The following TBC1D14 variants were observed in gnomAD, a reference collection of about 807,000 sequenced individuals.
The protein encoded by TBC1D14 is TBC1 domain family, member 14.
TBC1D14 carries 26 observed loss-of-function variants against 79.0 expected under a neutral mutation model. The observed-to-expected ratio is 0.33, with a 90% CI of 0.24 to 0.46. The LOEUF (loss-of-function observed/expected upper bound fraction) is 0.46. TBC1D14 is among the 20% of genes least tolerant of loss of function. The pLI is 1.00. For synonymous variants in TBC1D14, 394 were observed against 349.9 expected, an observed-to-expected ratio of 1.13 and a Z score of -1.40; for missense variants, 769 against 887.6, an observed-to-expected ratio of 0.87 and a Z score of 1.70.
At chr4:7,007,700 C>T in intron 9 of TBC1D14, 1 of 935,882 alleles carries the variant, frequency 1.1e-6, no homozygotes, top group Non-Finnish European at 1.5e-6. Context: ...TTCCTGGAAC[C>T]CTGCTTCTCC....
chr4:6,957,079 G>A (rs1204105690), intron 2 of TBC1D14, among the ~76,000 whole-genome samples: 3 of 152,216 alleles, frequency 2.0e-5, no homozygotes, highest in Non-Finnish European at 2.9e-5. Context: ...CTTGCTGTGT[G>A]CTCCTCTTGA....
At chr4:7,023,393 C>T (rs980954345) in intron 12 of TBC1D14, among the ~76,000 whole-genome samples, 4 of 152,238 alleles carry the variant, frequency 2.6e-5, no homozygotes, top group African/African-American at 4.8e-5. Flanking sequence ...TTGTGCAGGC[C>T]GAGTGGACTC....
chr4:6,917,650 G>C (rs1194783451), intron 1 of TBC1D14, among the ~76,000 whole-genome samples: 2 of 152,118 alleles, frequency 1.3e-5, no homozygotes, highest in Admixed American at 1.3e-4. Context: ...AGGCAGAGAC[G>C]GATCAGGAGG....
In TBC1D14 at chr4:7,006,737, G is replaced by A. The variant is rs1219551429; in HGVS notation, c.1446+11G>A. The A allele has an allele frequency of 6.2e-7, 1 of 1,607,448 alleles. No individual in the cohort carries two copies. On this transcript the variant is annotated intron_variant, in intron 9 of 13. Transcript: ENST00000409757. ...TGCATTTTCCAGCAAGTAAGTGGTG[G>A]TGACTTGTTGCTTTCAAGTATGTTT...
chr4:7,029,508 A>G (rs1323078889), intron 13 of TBC1D14, among the ~76,000 whole-genome samples: 1 of 152,218 alleles, frequency 6.6e-6, no homozygotes, highest in Non-Finnish European at 1.5e-5. Context: ...TGTTGCTGCA[A>G]TTGCTAAGCA....
chr4:6,969,846 C>T (rs373635564), intron 3 of TBC1D14, among the ~76,000 whole-genome samples: 13 of 152,094 alleles, frequency 8.5e-5, no homozygotes, highest in South Asian at 6.2e-4. Flanking sequence ...CTGCTTCCGT[C>T]GTCAATAATA....
At chr4:6,926,765 T>A (rs192323457) in intron 2 of TBC1D14, among the ~76,000 whole-genome samples, 26 of 152,310 alleles carry the variant, frequency 1.7e-4, no homozygotes, top group Admixed American at 1.6e-3. Flanking sequence ...TTACAGTGAA[T>A]GTTCATCAAT....
chr4:6,952,649 G>C (rs1437774331), intron 2 of TBC1D14, among the ~76,000 whole-genome samples: 1 of 152,182 alleles, frequency 6.6e-6, no homozygotes, highest in Non-Finnish European at 1.5e-5. Flanking sequence ...CTTCTTTGGT[G>C]CCTTGCATAC....
chr4:6,919,795 A>G (rs2108911454), intron 1 of TBC1D14, among the ~76,000 whole-genome samples: 1 of 151,750 alleles, frequency 6.6e-6, no homozygotes, highest in South Asian at 2.1e-4. Flanking sequence ...TAATTTTTGT[A>G]TTTTTAGTAG....
chr4:7,013,203 G>T (rs1320760474), intron 11 of TBC1D14, among the ~76,000 whole-genome samples: 1 of 152,204 alleles, frequency 6.6e-6, no homozygotes, highest in Admixed American at 6.5e-5. Context: ...CTCTGCTGGG[G>T]GATGTCCTGT....
intron 2 of TBC1D14, among the ~76,000 whole-genome samples, chr4:6,960,342 C>A (rs1019928270): frequency 6.6e-6 from 1 of 151,808 alleles, no homozygotes; most frequent in African/African-American, 2.4e-5. Flanking sequence ...TCCGCCCACC[C>A]CTGCCTCCCA....
chr4:7,028,196 G>A (rs547234588), intron 13 of TBC1D14, among the ~76,000 whole-genome samples: 85 of 151,976 alleles, frequency 5.6e-4, no homozygotes, highest in African/African-American at 2.0e-3. Context: ...ACGTACAGGT[G>A]CAGGTCAGTC....
At chr4:7,013,743 CTT>C (rs11318080) in intron 11 of TBC1D14, among the ~76,000 whole-genome samples, 333 of 137,004 alleles carry the variant, frequency 2.4e-3, no homozygotes, top group Non-Finnish European at 2.3e-3. Flanking sequence ...TTTCCAGATA[CTT>C]TTTTTTTTTT....
rs190715484 is a variant in TBC1D14 at position 6,988,189 on chromosome 4, C to T, written c.844-5995C>T. Among the ~76,000 whole-genome samples the T allele has an allele frequency of 2.2e-3, 329 of 152,356 alleles. 7 individuals carry two copies. The highest frequency in any genetic ancestry group is 0.019 in the Admixed American group (291 of 15,306). On this transcript the variant is annotated intron_variant, in intron 3 of 13. Coordinates refer to ENST00000409757, the MANE Select transcript of TBC1D14 (RefSeq NM_020773.3). Reference sequence around the variant, plus strand: ...CCCCCCTCCAAGACAATTGCTTTTACAAATGGCCAAGTGTGAGACCAGCCG... The same window carrying T: ...CCCCCCTCCAAGACAATTGCTTTTATAAATGGCCAAGTGTGAGACCAGCCG...
intron 12 of TBC1D14, among the ~76,000 whole-genome samples, chr4:7,020,925 C>G (rs1721765972): frequency 6.6e-6 from 1 of 152,194 alleles, no homozygotes; most frequent in Non-Finnish European, 1.5e-5. Context: ...TGTACCTCCT[C>G]TTGGGGTTGT....
chr4:6,957,144 T>C (rs1714722375), intron 2 of TBC1D14, among the ~76,000 whole-genome samples: 1 of 152,206 alleles, frequency 6.6e-6, no homozygotes, highest in South Asian at 2.1e-4. Flanking sequence ...TGGAGAAACT[T>C]GTAGCCTGCA....
rs150887798 is a variant in TBC1D14, at chr4:6,971,402, C to T, written c.843+3978C>T. 1.2e-4 allele frequency among the ~76,000 whole-genome samples: 19 copies of T among 152,258 alleles called. No individual in the cohort carries two copies. In the East Asian group the frequency reaches 3.5e-3, roughly 28 times the overall value. ...TGGTGTTGATCCCATATGTGGTTTGCCCAGGACATTTGCCCAGTACATCGG... is the reference window on the plus strand; with the variant it reads ...TGGTGTTGATCCCATATGTGGTTTGTCCAGGACATTTGCCCAGTACATCGG... On this transcript the variant is annotated intron_variant, in intron 3 of 13. Transcript: ENST00000409757.
At chr4:7,017,325 CTG>C (rs994463480) in intron 12 of TBC1D14, among the ~76,000 whole-genome samples, 2 of 152,068 alleles carry the variant, frequency 1.3e-5, no homozygotes, top group African/African-American at 4.8e-5. Flanking sequence ...AAAAATAAAA[CTG>C]AGGCTCAGAG....
intron 2 of TBC1D14, among the ~76,000 whole-genome samples, chr4:6,959,707 TA>T (rs1449283943): frequency 1.3e-5 from 2 of 152,210 alleles, no homozygotes; most frequent in African/African-American, 4.8e-5. Context: ...TAAACATTTT[TA>T]TGTCTCTTCC....
Sources: allele counts gnomAD v4.1 joint callset (sites outside exome capture counted in the v4.1 genomes callset), GRCh38; gene constraint gnomAD v4.1.1; transcripts MANE v1.5; gene names NCBI Gene and HGNC (gene_info 2026-07-23, HGNC 2026-07-21).